Variants in MITF observed in about 807,000 individuals in gnomAD.
MITF encodes melanocyte inducing transcription factor.
In MITF, 17 loss-of-function variants were observed where a neutral mutation model predicts 60.5. The ratio of observed to expected loss-of-function variants is 0.28; its 90% CI spans 0.19 to 0.42. The LOEUF (loss-of-function observed/expected upper bound fraction) is 0.42. Among genes scored for constraint, MITF ranks in the 10% least tolerant of loss-of-function variants. The pLI, the probability that MITF is intolerant of heterozygous loss-of-function variation, is 1.00. For missense variants in MITF, 622 were observed against 683.5 expected (o/e 0.91, Z 1.00); for synonymous variants, 260 against 248.5 (o/e 1.05, Z -0.43).
chr3:69,924,662 A>C (rs1436473745), intron 2 of MITF, among the ~76,000 whole-genome samples: 2 of 152,200 alleles, frequency 1.3e-5, no homozygotes, highest in African/African-American at 4.8e-5. Context: ...ACATAATTTC[A>C]TCTTTAAATC....
chr3:69,934,806 G>T (rs1336950932), intron 2 of MITF, among the ~76,000 whole-genome samples: 3 of 152,204 alleles, frequency 2.0e-5, no homozygotes, highest in Non-Finnish European at 2.9e-5. Flanking sequence ...TAAATATGAA[G>T]ATTATCCTTA....
At chr3:69,783,132 A>G (rs775250432) in intron 1 of MITF, among the ~76,000 whole-genome samples, 11 of 152,118 alleles carry the variant, frequency 7.2e-5, no homozygotes, top group Non-Finnish European at 1.3e-4. Context: ...CCTTGGAGTG[A>G]TATTCCAGTT....
At chr3:69,866,513 A>C (rs2064118253) in intron 1 of MITF, among the ~76,000 whole-genome samples, 1 of 122,452 alleles carries the variant, frequency 8.2e-6, no homozygotes, top group Non-Finnish European at 1.6e-5. Context: ...AACCTCTGGT[A>C]GGTGGCTATG....
At position 69,937,862 on chromosome 3, in the gene MITF, A is replaced by T; in HGVS notation, c.395A>T (p.Gln132Leu). The T allele has an allele frequency of 6.2e-7, 1 of 1,614,106 alleles. No homozygotes were observed. The highest frequency in any genetic ancestry group is 8.5e-7 in the Non-Finnish European group (1 of 1,179,988). Reference protein sequence around the residue: ...HLENPTKYHIQQAQRQQVKQY... With the variant: ...HLENPTKYHILQAQRQQVKQY... ...GAAAACCCCACCAAGTACCACATAC[A>T]GCAAGCCCAACGGCAGCAGGTAAAG... Residue 132 changes from glutamine to leucine, a missense_variant, in exon 3 of 10, where the codon CAG (glutamine) becomes CTG (leucine). By Grantham distance (113) the Gln-to-Leu change is moderately radical. Around this residue, in one of 5 missense-constraint regions of MITF, gnomAD observed 215 missense variants for 224.8 expected, o/e 0.96. Transcript: ENST00000352241.
chr3:69,831,717 T>C (rs995308791), intron 1 of MITF, among the ~76,000 whole-genome samples: 53 of 152,174 alleles, frequency 3.5e-4, no homozygotes, highest in African/African-American at 1.2e-3. Flanking sequence ...TTACAGTTAA[T>C]CAATCAGCAA....
Position 69,937,891 on chromosome 3 carries a change from T to G in MITF, c.424T>G (p.Tyr142Asp). The change falls in exon 3 of 10, where the codon TAC (tyrosine) becomes GAC (aspartate). Residue 142 changes from tyrosine to aspartate, a missense_variant. Around this residue, in one of 5 missense-constraint regions of MITF, gnomAD observed 215 missense variants for 224.8 expected, o/e 0.96. Coordinates refer to ENST00000352241, the MANE Select transcript of MITF (RefSeq NM_001354604.2). ...AGCCCAACGGCAGCAGGTAAAGCAG[T>G]ACCTTTCTACCACTTTAGCAAATAA... ...QQAQRQQVKQ[Y>D]LSTTLANKHA... is the part of the protein sequence containing the mutation. 6.2e-7 allele frequency: 1 copy of G among 1,614,128 alleles called. No individual in the cohort carries two copies. The highest frequency in any genetic ancestry group is 1.3e-5 in the African/African-American group (1 of 75,068).
chr3:69,821,388 C>T (rs369124568), intron 1 of MITF, among the ~76,000 whole-genome samples: 2 of 152,094 alleles, frequency 1.3e-5, no homozygotes, highest in South Asian at 2.1e-4. Flanking sequence ...CCCCAACCCC[C>T]TAAGCTTGAG....
At chr3:69,907,463 T>C (rs2065125488) in intron 2 of MITF, among the ~76,000 whole-genome samples, 1 of 152,164 alleles carries the variant, frequency 6.6e-6, no homozygotes, top group Admixed American at 6.5e-5. Flanking sequence ...AACAACTCTT[T>C]CTTCATGAAA....
chr3:69,750,521 A>G (rs1703898077), intron 1 of MITF, among the ~76,000 whole-genome samples: 1 of 117,746 alleles, frequency 8.5e-6, no homozygotes, highest in Non-Finnish European at 1.7e-5. Context: ...TGAATTTTTC[A>G]TTCTAAAATA....
chr3:69,840,106 A>T (rs62252232), intron 1 of MITF, among the ~76,000 whole-genome samples: 25,122 of 152,160 alleles, frequency 0.17, 2,201 homozygotes, highest in Non-Finnish European at 0.21. Flanking sequence ...TGATACTATA[A>T]AGAGACATCT....
In MITF at chr3:69,747,974, T is replaced by C. The variant is rs1575659475; in HGVS notation, c.104+8273T>C. On this transcript the variant is annotated intron_variant, in intron 1 of 9. Coordinates refer to ENST00000352241, the MANE Select transcript of MITF (RefSeq NM_001354604.2). ...AACATACACGCCTACCACGAACAAA[T>C]AACCAGTGTAGAACTCCTGACTCCT... Among the ~76,000 whole-genome samples, 5 of 152,248 alleles carry C rather than the reference T, an allele frequency of 3.3e-5. No homozygotes were observed. In the South Asian group the frequency reaches 1.0e-3, roughly 32 times the overall value.
At chr3:69,827,554 A>G (rs1279235251) in intron 1 of MITF, among the ~76,000 whole-genome samples, 3 of 152,278 alleles carry the variant, frequency 2.0e-5, no homozygotes, top group East Asian at 3.9e-4. Flanking sequence ...TTGTTTGCCT[A>G]CAACACGTCA....
chr3:69,939,192 A>G lies in MITF; in HGVS notation c.666+11A>G, dbSNP rs1184407717. 1.2e-6 allele frequency: 2 copies of G among 1,612,230 alleles called. No homozygotes were observed. Among genetic ancestry groups the G allele is most frequent in the South Asian group, 2.2e-5 (2 of 90,956 alleles). On this transcript the variant is annotated intron_variant, in intron 4 of 9. Coordinates refer to ENST00000352241, the MANE Select transcript of MITF (RefSeq NM_001354604.2). The stretch of plus-strand genomic sequence containing the variant: ...GCGTCCTGTATGCAGGTACTGAATG[A>G]CTTGGCAGCCTGAGGATGAACACTT...
At chr3:69,935,327 C>A (rs2065808326) in intron 2 of MITF, among the ~76,000 whole-genome samples, 1 of 152,184 alleles carries the variant, frequency 6.6e-6, no homozygotes, top group Admixed American at 6.5e-5. Context: ...CAAATTGCTT[C>A]TTTCTTTACT....
intron 1 of MITF, among the ~76,000 whole-genome samples, chr3:69,791,872 A>G (rs965258418): frequency 3.3e-5 from 5 of 152,200 alleles, no homozygotes; most frequent in Non-Finnish European, 7.3e-5. Flanking sequence ...AGAACTTGGA[A>G]AATGCAGTTT....
intron 1 of MITF, among the ~76,000 whole-genome samples, chr3:69,855,795 A>T (rs2063908638): frequency 6.6e-6 from 1 of 152,164 alleles, no homozygotes; most frequent in Non-Finnish European, 1.5e-5. Flanking sequence ...GCATTAGAGG[A>T]GAGGTCTTTA....
intron 2 of MITF, among the ~76,000 whole-genome samples, chr3:69,902,672 C>CA (rs1324514835): frequency 1.3e-5 from 2 of 152,074 alleles, no homozygotes; most frequent in Non-Finnish European, 2.9e-5. Flanking sequence ...CATCTTCAGA[C>CA]AAAAAATACT....
At chr3:69,869,475 T>C (rs2064181424) in intron 1 of MITF, among the ~76,000 whole-genome samples, 2 of 152,296 alleles carry the variant, frequency 1.3e-5, no homozygotes, top group Non-Finnish European at 2.9e-5. Flanking sequence ...AAATGAATAC[T>C]AAAACATTCA....
At chr3:69,861,531 C>T (rs1046334049) in intron 1 of MITF, among the ~76,000 whole-genome samples, 15 of 152,274 alleles carry the variant, frequency 9.9e-5, no homozygotes, top group Admixed American at 6.5e-4. Flanking sequence ...CATCATCTGC[C>T]AGGTCAGGAG....
Sources: allele counts gnomAD v4.1 joint callset (sites outside exome capture counted in the v4.1 genomes callset), GRCh38; gene constraint gnomAD v4.1.1; regional missense constraint gnomAD v4.1.1; transcripts MANE v1.5; gene names NCBI Gene and HGNC (gene_info 2026-07-23, HGNC 2026-07-21).